CHODL: variants seen among roughly 807,000 people sequenced by gnomAD.
The protein encoded by CHODL is transmembrane protein MT75.
Under a neutral mutation model 34.5 loss-of-function variants are expected in CHODL, and 29 were observed. The observed-to-expected ratio is 0.84, with a 90% CI of 0.63 to 1.15. The LOEUF is 1.15. Ranked by LOEUF, CHODL falls within the 50% of genes most tolerant of loss-of-function variation. The pLI, the probability that CHODL is intolerant of heterozygous loss-of-function variation, is 0.00. For missense variants in CHODL, 332 were observed against 332.5 expected (o/e 1.00, Z 0.01); for synonymous variants, 125 against 116.1 (o/e 1.08, Z -0.49).
At chr21:17,922,690 C>T (rs1007631212) in intron 1 of CHODL, among the ~76,000 whole-genome samples, 6 of 152,168 alleles carry the variant, frequency 3.9e-5, no homozygotes. Flanking sequence ...TGTGGGGTGA[C>T]ATTCCTTATG....
intron 1 of CHODL, among the ~76,000 whole-genome samples, chr21:17,947,400 A>G (rs2063419640): frequency 6.6e-6 from 1 of 152,134 alleles, no homozygotes; most frequent in South Asian, 2.1e-4. Flanking sequence ...ACCTAATACA[A>G]AGCTCCCAAA....
intron 2 of CHODL, among the ~76,000 whole-genome samples, chr21:18,036,289 ACCTGTAAT>A (rs1394125944): frequency 1.3e-5 from 2 of 151,980 alleles, no homozygotes; most frequent in Non-Finnish European, 2.9e-5. Flanking sequence ...GGGGAATATT[ACCTGTAAT>A]CCTTTTGGCA....
chr21:18,126,665 T>G (rs535092558), intron 2 of CHODL, among the ~76,000 whole-genome samples: 1 of 152,236 alleles, frequency 6.6e-6, no homozygotes, highest in East Asian at 1.9e-4. Flanking sequence ...TACTAGGGCT[T>G]AATATCCTCG....
chr21:18,124,949 G>T (rs1275353054), intron 2 of CHODL, among the ~76,000 whole-genome samples: 2 of 152,182 alleles, frequency 1.3e-5, no homozygotes, highest in Non-Finnish European at 2.9e-5. Context: ...AGAAAGTGGG[G>T]AATATAAGGT....
intron 1 of CHODL, among the ~76,000 whole-genome samples, chr21:18,027,698 A>G (rs1489387669): frequency 2.0e-5 from 3 of 152,170 alleles, no homozygotes; most frequent in African/African-American, 7.2e-5. Context: ...GAATGCTTGT[A>G]TCCCTTCTCA....
intron 1 of CHODL, among the ~76,000 whole-genome samples, chr21:18,013,903 G>T (rs1397989579): frequency 6.6e-6 from 1 of 151,950 alleles, no homozygotes; most frequent in African/African-American, 2.4e-5. Context: ...CCAAAGTGCT[G>T]GGATTACCGG....
intron 2 of CHODL, among the ~76,000 whole-genome samples, chr21:18,106,032 A>C (rs1819137270): frequency 6.6e-6 from 1 of 152,168 alleles, no homozygotes; most frequent in Non-Finnish European, 1.5e-5. Flanking sequence ...GGGCACACTT[A>C]TTGCAATAGT....
At chr21:18,143,555 C>T (rs747236508) in intron 2 of CHODL, among the ~76,000 whole-genome samples, 2 of 152,054 alleles carry the variant, frequency 1.3e-5, no homozygotes, top group African/African-American at 2.4e-5. Flanking sequence ...ACCCTAGCTT[C>T]CTCAAATATT....
chr21:18,146,774 A>G (rs1433907798), intron 2 of CHODL, among the ~76,000 whole-genome samples: 1 of 152,188 alleles, frequency 6.6e-6, no homozygotes, highest in Non-Finnish European at 1.5e-5. Flanking sequence ...AGCTCTTAGT[A>G]TCCCCTTGTA....
chr21:17,959,504 C>A (rs1193305994), intron 1 of CHODL, among the ~76,000 whole-genome samples: 1 of 152,106 alleles, frequency 6.6e-6, no homozygotes, highest in Non-Finnish European at 1.5e-5. Context: ...GGATTCTGAT[C>A]ATCAATATTA....
intron 1 of CHODL, chr21:18,024,533 T>C (rs1255952673): frequency 6.6e-6 from 1 of 152,226 alleles, no homozygotes; most frequent in Non-Finnish European, 1.5e-5. Context: ...AGCATTTTGC[T>C]TCTTTGCTTT....
chr21:18,126,543 G>A (rs2065546853), intron 2 of CHODL, among the ~76,000 whole-genome samples: 1 of 151,678 alleles, frequency 6.6e-6, no homozygotes, highest in Admixed American at 6.6e-5. Context: ...AATAGTAATG[G>A]TCATCTTGAC....
At chr21:18,082,383 G>T (rs533308732) in intron 2 of CHODL, among the ~76,000 whole-genome samples, 2 of 152,302 alleles carry the variant, frequency 1.3e-5, no homozygotes, top group Non-Finnish European at 2.9e-5. Flanking sequence ...TTATAGAAGT[G>T]TGAAAATTGA....
At chr21:18,263,688 G>A (rs973337467) in intron 5 of CHODL, among the ~76,000 whole-genome samples, 1 of 152,108 alleles carries the variant, frequency 6.6e-6, no homozygotes, top group African/African-American at 2.4e-5. Context: ...GAATAAACTA[G>A]ACATCTTTGT....
At chr21:18,078,412 AC>A (rs1256077948) in intron 2 of CHODL, among the ~76,000 whole-genome samples, 1 of 152,110 alleles carries the variant, frequency 6.6e-6, no homozygotes, top group African/African-American at 2.4e-5. Flanking sequence ...ATTATCTCTC[AC>A]CAGGTCCCTC....
At chr21:17,968,662 T>C (rs1160909330) in intron 1 of CHODL, among the ~76,000 whole-genome samples, 1 of 152,222 alleles carries the variant, frequency 6.6e-6, no homozygotes. Context: ...CCCTAGTCTC[T>C]AGCACAGTGA....
intron 1 of CHODL, among the ~76,000 whole-genome samples, chr21:17,977,838 G>A (rs1271562862): frequency 7.0e-6 from 1 of 143,238 alleles, no homozygotes; most frequent in Non-Finnish European, 1.5e-5. Flanking sequence ...AAAATCACTT[G>A]AACCTGGGAG....
At chr21:18,177,419 G>A (rs769413061) in intron 2 of CHODL, among the ~76,000 whole-genome samples, 3 of 151,898 alleles carry the variant, frequency 2.0e-5, no homozygotes, top group Non-Finnish European at 4.4e-5. Context: ...TTTATTGTTT[G>A]CTTCTTTTAT....
intron 2 of CHODL, among the ~76,000 whole-genome samples, chr21:18,042,366 C>T (rs1024613751): frequency 4.0e-5 from 6 of 151,856 alleles, no homozygotes; most frequent in African/African-American, 1.2e-4. Context: ...AATATATCCT[C>T]ATACCTCAGA....
Sources: allele counts gnomAD v4.1 joint callset (sites outside exome capture counted in the v4.1 genomes callset), GRCh38; gene constraint gnomAD v4.1.1; transcripts MANE v1.5; gene names NCBI Gene and HGNC (gene_info 2026-07-23, HGNC 2026-07-21).